Variants in ARHGAP15 observed in about 807,000 individuals in gnomAD.
ARHGAP15 encodes the protein rho GTPase-activating protein 15.
A neutral mutation model predicts 63.7 loss-of-function variants in ARHGAP15; 51 were observed. The observed-to-expected ratio is 0.80, with a 90% CI of 0.64 to 1.01. The LOEUF is 1.01. ARHGAP15 is among the 50% of genes least tolerant of loss of function. The pLI is 0.00. For missense variants in ARHGAP15, 560 were observed against 564.6 expected (o/e 0.99, Z 0.08); for synonymous variants, 191 against 193.8 (o/e 0.99, Z 0.12).
At position 143,510,018 on chromosome 2, in the gene ARHGAP15, T is replaced by TAAAAAAAAAAAAAA. The variant is rs35469918; in HGVS notation, c.827-9232_827-9219dup. ...CTGGCGACAGAGTAAGACTCCCTCTTAAAAAAAAAAAAAAAAAAAAAAAAA... is the reference window on the plus strand; with the variant it reads ...CTGGCGACAGAGTAAGACTCCCTCTTAAAAAAAAAAAAAAAAAAAAAAAAAAAAAAAAAAAAAAA... On this transcript the variant is annotated intron_variant, in intron 9 of 13. Coordinates refer to ENST00000295095, the MANE Select transcript of ARHGAP15 (RefSeq NM_018460.4). Among the ~76,000 whole-genome samples the TAAAAAAAAAAAAAA allele has an allele frequency of 3.3e-4, 16 of 48,826 alleles. 1 individual carries two copies. Among genetic ancestry groups the TAAAAAAAAAAAAAA allele is most frequent in the Admixed American group, 7.1e-4 (2 of 2,804 alleles). The allele number at this position is 48,826 out of a possible 152,430, so 32.0% of individuals were successfully genotyped here.
intron 12 of ARHGAP15, among the ~76,000 whole-genome samples, chr2:143,635,607 C>G (rs1481209687): frequency 6.6e-6 from 1 of 152,016 alleles, no homozygotes; most frequent in Admixed American, 6.5e-5. Context: ...TCCTGGAGTA[C>G]TATAAATTTC....
intron 13 of ARHGAP15, among the ~76,000 whole-genome samples, chr2:143,716,286 G>A (rs2105451992): frequency 6.6e-6 from 1 of 152,306 alleles, no homozygotes; most frequent in Middle Eastern, 3.4e-3. Flanking sequence ...GACTCAGTCA[G>A]GGAATCTGTG....
chr2:143,272,619 C>T (rs1681345647), intron 6 of ARHGAP15, among the ~76,000 whole-genome samples: 1 of 152,180 alleles, frequency 6.6e-6, no homozygotes. Context: ...CGCCACTGCA[C>T]TCCAGCCTGG....
At chr2:143,364,202 A>G (rs906738687) in intron 6 of ARHGAP15, among the ~76,000 whole-genome samples, 6 of 143,254 alleles carry the variant, frequency 4.2e-5, no homozygotes, top group Non-Finnish European at 9.3e-5. Flanking sequence ...AACAACAACA[A>G]CAAAAAAAAA....
At position 143,541,830 on chromosome 2, in the gene ARHGAP15, C is replaced by T. The variant is rs573104657; in HGVS notation, c.926-14578C>T. Among the ~76,000 whole-genome samples, 3 of 152,198 alleles carry T rather than the reference C, an allele frequency of 2.0e-5. No homozygotes were observed. In the South Asian group the frequency reaches 6.2e-4, roughly 31 times the overall value. On this transcript the variant is annotated intron_variant, in intron 10 of 13. Transcript: ENST00000295095. ...GCTAGGCTACTCAGCAGTCAGGGAC[C>T]CACTTGAGGAGGCAGTCTGCCCGTT... is the stretch of plus-strand genomic sequence containing the variant.
At chr2:143,328,937 C>G (rs933093085) in intron 6 of ARHGAP15, among the ~76,000 whole-genome samples, 2 of 152,242 alleles carry the variant, frequency 1.3e-5, no homozygotes, top group Admixed American at 1.3e-4. Flanking sequence ...ATCAAAATAT[C>G]TCATGTATCC....
At chr2:143,538,175 CTGTT>C (rs1308280880) in intron 10 of ARHGAP15, among the ~76,000 whole-genome samples, 4 of 152,064 alleles carry the variant, frequency 2.6e-5, no homozygotes, top group African/African-American at 9.7e-5. Context: ...ATTTGGCTCT[CTGTT>C]TGTCTGTTAT....
chr2:143,488,385 T>G (rs1025103921), intron 9 of ARHGAP15, among the ~76,000 whole-genome samples: 21 of 152,228 alleles, frequency 1.4e-4, no homozygotes, highest in African/African-American at 5.1e-4. Context: ...GAACCAGTGA[T>G]TAGTATATTT....
intron 4 of ARHGAP15, among the ~76,000 whole-genome samples, chr2:143,220,628 C>T (rs1273200147): frequency 6.6e-6 from 1 of 152,126 alleles, no homozygotes; most frequent in Non-Finnish European, 1.5e-5. Context: ...AGTGTATATG[C>T]TTTTATCACT....
At chr2:143,212,713 G>T (rs1167940651) in intron 3 of ARHGAP15, among the ~76,000 whole-genome samples, 1 of 152,118 alleles carries the variant, frequency 6.6e-6, no homozygotes, top group Non-Finnish European at 1.5e-5. Flanking sequence ...AATTATTAGA[G>T]AAACTAATAA....
chr2:143,762,235 G>T (rs1686786137), intron 13 of ARHGAP15, among the ~76,000 whole-genome samples: 1 of 152,070 alleles, frequency 6.6e-6, no homozygotes, highest in Non-Finnish European at 1.5e-5. Flanking sequence ...TTGACATAAG[G>T]TCTAAATATT....
At chr2:143,217,130 A>G (rs1692786552) in intron 4 of ARHGAP15, among the ~76,000 whole-genome samples, 1 of 152,194 alleles carries the variant, frequency 6.6e-6, no homozygotes, top group South Asian at 2.1e-4. Flanking sequence ...AAAATGCTCA[A>G]GTTGAGAGAC....
chr2:143,263,048 A>G (rs1391032293), intron 6 of ARHGAP15, among the ~76,000 whole-genome samples: 2 of 152,100 alleles, frequency 1.3e-5, no homozygotes, highest in Non-Finnish European at 1.5e-5. Context: ...GATTCAGTGA[A>G]TATACTGCAA....
At chr2:143,148,718 GGCTAT>G (rs1689691275) in intron 1 of ARHGAP15, among the ~76,000 whole-genome samples, 1 of 151,972 alleles carries the variant, frequency 6.6e-6, no homozygotes. Context: ...CCAATGGGGT[GGCTAT>G]GGTCACATTC....
chr2:143,575,678 A>C (rs1696652879), intron 11 of ARHGAP15, among the ~76,000 whole-genome samples: 2 of 152,154 alleles, frequency 1.3e-5, no homozygotes. Context: ...TCTTAGCGAC[A>C]CATTTTGTGC....
At chr2:143,196,672 A>C (rs1456252528) in intron 2 of ARHGAP15, among the ~76,000 whole-genome samples, 1 of 152,002 alleles carries the variant, frequency 6.6e-6, no homozygotes, top group Non-Finnish European at 1.5e-5. Flanking sequence ...TTAGCATGAT[A>C]TTGAAACCAA....
chr2:143,168,650 GA>G (rs1690644465), intron 2 of ARHGAP15, among the ~76,000 whole-genome samples: 1 of 149,888 alleles, frequency 6.7e-6, no homozygotes, highest in South Asian at 2.1e-4. Context: ...TAATCATTCT[GA>G]AAACTTGAAG....
At chr2:143,218,285 T>TC (rs1217616127) in intron 4 of ARHGAP15, among the ~76,000 whole-genome samples, 1 of 146,298 alleles carries the variant, frequency 6.8e-6, no homozygotes, top group Non-Finnish European at 1.5e-5. Flanking sequence ...TCCTTTTTTT[T>TC]TTTTTTTTTT....
intron 6 of ARHGAP15, among the ~76,000 whole-genome samples, chr2:143,340,527 CTTT>C (rs5834944): frequency 2.7e-5 from 4 of 148,818 alleles, no homozygotes; most frequent in Admixed American, 6.7e-5. Flanking sequence ...GATTTTTTCT[CTTT>C]TTTTTTTTAA....
Sources: allele counts gnomAD v4.1 joint callset (sites outside exome capture counted in the v4.1 genomes callset), GRCh38; gene constraint gnomAD v4.1.1; transcripts MANE v1.5; gene names NCBI Gene and HGNC (gene_info 2026-07-23, HGNC 2026-07-21).